WDTC1: variants seen among roughly 807,000 people sequenced by gnomAD.
WDTC1 encodes the protein WD and tetratricopeptide repeats 1.
A neutral mutation model predicts 76.0 loss-of-function variants in WDTC1; 12 were observed. That is an observed-to-expected ratio of 0.16 (90% confidence interval 0.10 to 0.26). The LOEUF (loss-of-function observed/expected upper bound fraction) is 0.26. Among genes scored for constraint, WDTC1 ranks in the 10% least tolerant of loss-of-function variants. The pLI is 1.00. For missense variants in WDTC1, 511 were observed against 908.8 expected (o/e 0.56, Z 5.63); for synonymous variants, 326 against 350.8 (o/e 0.93, Z 0.79).
intron 1 of WDTC1, among the ~76,000 whole-genome samples, chr1:27,260,387 G>A (rs1222860432): frequency 6.6e-6 from 1 of 152,210 alleles, no homozygotes; most frequent in Non-Finnish European, 1.5e-5. Flanking sequence ...TTACAGGTGT[G>A]AGCCACCGCG....
At chr1:27,271,295 A>G (rs953380348) in intron 3 of WDTC1, among the ~76,000 whole-genome samples, 15 of 150,326 alleles carry the variant, frequency 1.0e-4, no homozygotes, top group South Asian at 6.3e-4. Context: ...GCTCACTGCA[A>G]CCTCTGCCTC....
chr1:27,306,064 G>A lies in WDTC1; in HGVS notation c.1837-122G>A, dbSNP rs538611203. 200 of 1,102,860 alleles carry A rather than the reference G, an allele frequency of 1.8e-4. 1 individual carries two copies. In the African/African-American group the frequency reaches 2.7e-3, roughly 15 times the overall value. The allele number at this position is 1,102,860 out of a possible 1,614,324, so 68.3% of individuals were successfully genotyped here. On this transcript the variant is annotated intron_variant, in intron 15 of 15. Coordinates refer to ENST00000319394, the MANE Select transcript of WDTC1 (RefSeq NM_001276252.2). The surrounding 1 kb of genome is among the most constrained non-coding windows in gnomAD (Gnocchi z 5.0). Reference sequence around the variant, plus strand: ...CTCCACCATATACACCTCCTGGCATGTATGTGTACCTCCCCCTATAGATAG... The same window carrying A: ...CTCCACCATATACACCTCCTGGCATATATGTGTACCTCCCCCTATAGATAG...
chr1:27,308,577 G>GTGTA lies in WDTC1; in HGVS notation c.*2195_*2196insGTAT, dbSNP rs2014010752. On this transcript the variant is annotated 3_prime_UTR_variant, in exon 16 of 16. Transcript: ENST00000319394. ...TGATTACTTGTAGATATGTGTGTGTGTATATATATATAAAAAAAATGAACA... is the reference window on the plus strand; with the variant it reads ...TGATTACTTGTAGATATGTGTGTGTGTGTATATATATATATAAAAAAAATGAACA... 1 of 151,772 alleles carries GTGTA rather than the reference G, an allele frequency of 6.6e-6. No homozygotes were observed. The highest frequency in any genetic ancestry group is 2.1e-4 in the South Asian group (1 of 4,824). The allele number at this position is 151,772 out of a possible 1,614,324, so 9.4% of individuals were successfully genotyped here.
At chr1:27,253,431 T>TCCTC (rs1215183044) in intron 1 of WDTC1, among the ~76,000 whole-genome samples, 1 of 106,328 alleles carries the variant, frequency 9.4e-6, no homozygotes, top group Non-Finnish European at 1.8e-5. Flanking sequence ...CCCTCCTCCC[T>TCCTC]CCTCCTCCTT....
chr1:27,270,091 C>A (rs892949726), intron 3 of WDTC1, among the ~76,000 whole-genome samples: 1 of 152,014 alleles, frequency 6.6e-6, no homozygotes, highest in Non-Finnish European at 1.5e-5. Context: ...ACATGCACCA[C>A]CATGCCCAGC....
At chr1:27,263,877 A>G (rs1306707413) in intron 3 of WDTC1, among the ~76,000 whole-genome samples, 1 of 152,112 alleles carries the variant, frequency 6.6e-6, no homozygotes, top group Non-Finnish European at 1.5e-5. Context: ...ATACATATAC[A>G]TATACGTATA....
chr1:27,251,698 C>T (rs934253160), intron 1 of WDTC1, among the ~76,000 whole-genome samples: 1 of 152,044 alleles, frequency 6.6e-6, no homozygotes, highest in Non-Finnish European at 1.5e-5. Context: ...TGGTGCATGC[C>T]TGTAGTCCTA....
At chr1:27,302,716 G>T (rs1432832311) in intron 13 of WDTC1, among the ~76,000 whole-genome samples, 1 of 152,080 alleles carries the variant, frequency 6.6e-6, no homozygotes, top group African/African-American at 2.4e-5. Context: ...ACTCCAGCCT[G>T]GGTGACAGAG....
chr1:27,246,295 C>G (rs933357766), intron 1 of WDTC1, among the ~76,000 whole-genome samples: 1 of 152,182 alleles, frequency 6.6e-6, no homozygotes, highest in African/African-American at 2.4e-5. Context: ...CTATTCTTGA[C>G]ATTTCACATA....
At chr1:27,277,355 T>C (rs1435193179) in intron 3 of WDTC1, among the ~76,000 whole-genome samples, 1 of 152,246 alleles carries the variant, frequency 6.6e-6, no homozygotes, top group Non-Finnish European at 1.5e-5. Context: ...TTAATTTTTA[T>C]GTATGGTGTG....
At chr1:27,255,865 G>C (rs555324643) in intron 1 of WDTC1, among the ~76,000 whole-genome samples, 28 of 151,926 alleles carry the variant, frequency 1.8e-4, no homozygotes, top group Non-Finnish European at 4.0e-4. Flanking sequence ...CACCACACCC[G>C]GCCAAAACTT....
rs921368274 is a variant in WDTC1, at chr1:27,234,947, G to C, written c.-104G>C. 2 of 392,622 alleles carry C rather than the reference G, an allele frequency of 5.1e-6. No homozygotes were observed. Among genetic ancestry groups the C allele is most frequent in the African/African-American group, 4.1e-5 (2 of 48,300 alleles). 24.3% of individuals were successfully genotyped at this position (392,622 alleles called of 1,614,324 possible). ...CGCTGCCGGTCGGGGGAAGAGACCTGACAGGTACGGGTCACCGCCGCCCCC... is the reference window on the plus strand; with the variant it reads ...CGCTGCCGGTCGGGGGAAGAGACCTCACAGGTACGGGTCACCGCCGCCCCC... On this transcript the variant is annotated 5_prime_UTR_variant, in exon 1 of 16. Transcript: ENST00000319394.
Position 27,292,338 on chromosome 1 carries a change from A to G in WDTC1, c.603A>G (p.Ala201=), listed in dbSNP as rs1197676373. The G allele has an allele frequency of 3.1e-6, 5 of 1,612,922 alleles. No individual in the cohort carries two copies. The highest frequency in any genetic ancestry group is 8.5e-7 in the Non-Finnish European group (1 of 1,179,464). The change falls in exon 7 of 16, where the codon GCA becomes GCG. Residue 201 remains alanine (A), a synonymous_variant. Coordinates refer to ENST00000319394, the MANE Select transcript of WDTC1 (RefSeq NM_001276252.2). Reference sequence around the variant, plus strand: ...ACCCCCAGGACAACAACTGCCTGGCAGTTGGGGCCAGCGGGCCCTTCGTGA... The same window carrying G: ...ACCCCCAGGACAACAACTGCCTGGCGGTTGGGGCCAGCGGGCCCTTCGTGA... ...TVNPQDNNCL[A]VGASGPFVRL... is the part of the protein sequence containing the mutation.
Position 27,283,436 on chromosome 1 carries a change from T to C in WDTC1, c.278T>C (p.Ile93Thr). ...LSMHTGHTAN[I>T]FSVKFLPHAG... ...ATGCACACGGGACACACCGCAAATA[T>C]CTTCTCTGTCAAGGTGAGCAGGACA... The change falls in exon 5 of 16, where the codon ATC becomes ACC. Residue 93 changes from isoleucine (I) to threonine (T), a missense_variant. By Grantham distance (89) the Ile-to-Thr change is moderately conservative. Coordinates refer to ENST00000319394, the MANE Select transcript of WDTC1 (RefSeq NM_001276252.2). 1 of 1,612,518 alleles carries C rather than the reference T, an allele frequency of 6.2e-7. No homozygotes were observed. Among genetic ancestry groups the C allele is most frequent in the Non-Finnish European group, 8.5e-7 (1 of 1,179,972 alleles).
chr1:27,244,322 T>C (rs2011736974), intron 1 of WDTC1, among the ~76,000 whole-genome samples: 2 of 141,720 alleles, frequency 1.4e-5, no homozygotes, highest in South Asian at 2.3e-4. Context: ...ATTATGCTCT[T>C]TCTTTCTTTT....
rs1445132554 is a variant in WDTC1, at chr1:27,301,384, C to T, written c.1391C>T (p.Pro464Leu). 1.9e-6 allele frequency: 3 copies of T among 1,614,020 alleles called. No individual in the cohort carries two copies. The highest frequency in any genetic ancestry group is 2.5e-6 in the Non-Finnish European group (3 of 1,180,036). Residue 464 changes from proline (P) to leucine (L), a missense_variant, in exon 13 of 16, where the codon CCG becomes CTG. By Grantham distance (98) the Pro-to-Leu change is moderately conservative (BLOSUM62 -3). Coordinates refer to ENST00000319394, the MANE Select transcript of WDTC1 (RefSeq NM_001276252.2). This position sits in a 1 kb window ranked among gnomAD's most constrained non-coding sequence, Gnocchi z 5.8. ...ECLDDFKGKF[P>L]EQAHSSACDA... ...CTGGACGACTTCAAAGGGAAATTTC[C>T]GGAGCAGGCCCACAGCAGCGCTTGT...
intron 1 of WDTC1, among the ~76,000 whole-genome samples, chr1:27,248,123 G>A (rs2011913595): frequency 6.6e-6 from 1 of 152,220 alleles, no homozygotes; most frequent in African/African-American, 2.4e-5. Context: ...CACAGTGTGT[G>A]TGTCTTTATG....
chr1:27,246,537 C>T (rs1377154095), intron 1 of WDTC1, among the ~76,000 whole-genome samples: 1 of 151,562 alleles, frequency 6.6e-6, no homozygotes, highest in East Asian at 1.9e-4. Context: ...TATTCATGTA[C>T]AGCTTTTTGT....
chr1:27,235,075 C>T (rs1003923447), intron 1 of WDTC1, 124 bp downstream of exon 1: 101 of 323,642 alleles, frequency 3.1e-4, no homozygotes, highest in African/African-American at 2.1e-3. Context: ...GGGCCTGAGC[C>T]TACCCGCCTC....
Sources: allele counts gnomAD v4.1 joint callset (sites outside exome capture counted in the v4.1 genomes callset), GRCh38; gene constraint gnomAD v4.1.1; non-coding constraint Gnocchi (gnomAD v3.1); transcripts MANE v1.5; gene names NCBI Gene and HGNC (gene_info 2026-07-23, HGNC 2026-07-21).